PALM2AKAP2: variants seen among roughly 807,000 people sequenced by gnomAD.
PALM2AKAP2 encodes the protein PALM2 and AKAP2 fusion, also known as PALM2-AKAP2 fusion protein.
In PALM2AKAP2, 37 loss-of-function variants were observed where a neutral mutation model predicts 71.5. That is an observed-to-expected ratio of 0.52 (90% CI 0.40 to 0.68). The LOEUF is 0.68. Ranked by LOEUF, PALM2AKAP2 falls within the 30% of genes least tolerant of loss-of-function variation. The pLI is 0.00. For synonymous variants in PALM2AKAP2, 468 were observed against 478.8 expected, an observed-to-expected ratio of 0.98 and a Z score of 0.29; for missense variants, 1,224 against 1,191.8, an observed-to-expected ratio of 1.03 and a Z score of -0.40.
chr9:109,924,443 C>CA (rs1216145232), intron 4 of PALM2AKAP2, among the ~76,000 whole-genome samples: 1 of 151,804 alleles, frequency 6.6e-6, no homozygotes, highest in South Asian at 2.1e-4. Flanking sequence ...CTAAAAAATA[C>CA]AAAAAAATTA....
At chr9:110,157,726 G>A (rs1408487632) in intron 3 of PALM2AKAP2, among the ~76,000 whole-genome samples, 2 of 152,152 alleles carry the variant, frequency 1.3e-5, no homozygotes, top group African/African-American at 4.8e-5. Flanking sequence ...AAGTGTCCCA[G>A]TTTGGGTGAT....
rs2131990423 is a variant in PALM2AKAP2, at chr9:109,930,530, A to G, written c.395-1397A>G. Among the ~76,000 whole-genome samples, 3 of 152,232 alleles carry G rather than the reference A, an allele frequency of 2.0e-5. No individual in the cohort carries two copies. In the East Asian group the frequency reaches 5.8e-4, roughly 29 times the overall value. On this transcript the variant is annotated intron_variant, in intron 5 of 9. Coordinates refer to the PALM2AKAP2 transcript ENST00000302798. ...CATGAGCCACCGCGCCCGGCGAAAA[A>G]TCTGTTTTCTTAGCGATACTCTACC...
At chr9:110,125,363 T>C (rs1260823453) in intron 1 of PALM2AKAP2, 1 of 340,526 alleles carries the variant, frequency 2.9e-6, no homozygotes, top group Non-Finnish European at 4.2e-6. Flanking sequence ...GGAATGCCGC[T>C]GCCCTCCAGC....
intron 1 of PALM2AKAP2, among the ~76,000 whole-genome samples, chr9:109,697,808 C>G (rs1827994473): frequency 1.3e-5 from 2 of 152,180 alleles, no homozygotes; most frequent in African/African-American, 4.8e-5. Flanking sequence ...CAACTTCCAG[C>G]TGGCCCTTTT....
intron 1 of PALM2AKAP2, among the ~76,000 whole-genome samples, chr9:109,684,049 G>GTC (rs1237248904): frequency 1.3e-5 from 2 of 152,116 alleles, no homozygotes; most frequent in Non-Finnish European, 2.9e-5. Flanking sequence ...TTATTATAAT[G>GTC]TCGCCAGCCT....
chr9:109,817,012 C>CA (rs1282712082), intron 1 of PALM2AKAP2, among the ~76,000 whole-genome samples: 18 of 152,262 alleles, frequency 1.2e-4, no homozygotes, highest in African/African-American at 4.3e-4. Flanking sequence ...CAACTTTATT[C>CA]AACCAGATTT....
intron 6 of PALM2AKAP2, among the ~76,000 whole-genome samples, chr9:110,000,001 T>C (rs1832651883): frequency 6.6e-6 from 1 of 152,050 alleles, no homozygotes; most frequent in South Asian, 2.1e-4. Flanking sequence ...ATTCCATTTT[T>C]CTCTATTTTT....
At chr9:109,879,118 G>C (rs1018177701) in intron 2 of PALM2AKAP2, among the ~76,000 whole-genome samples, 2 of 152,186 alleles carry the variant, frequency 1.3e-5, no homozygotes, top group Non-Finnish European at 2.9e-5. Flanking sequence ...CTATGGAATT[G>C]TGCATCCTTC....
chr9:109,978,134 T>G (rs1452793868), intron 6 of PALM2AKAP2, among the ~76,000 whole-genome samples: 1 of 151,920 alleles, frequency 6.6e-6, no homozygotes, highest in East Asian at 1.9e-4. Flanking sequence ...GAAGGAGGGA[T>G]GCATGCCTCC....
intron 1 of PALM2AKAP2, among the ~76,000 whole-genome samples, chr9:109,735,785 T>C (rs79584911): frequency 0.043 from 6,490 of 152,258 alleles, 190 homozygotes; most frequent in Non-Finnish European, 0.053. Flanking sequence ...TCTGCCTTCA[T>C]GCACCTTTTC....
At chr9:110,035,848 TATG>T (rs1217688858) in intron 7 of PALM2AKAP2, among the ~76,000 whole-genome samples, 6 of 140,118 alleles carry the variant, frequency 4.3e-5, no homozygotes, top group African/African-American at 7.5e-5. Flanking sequence ...ATATAATATA[TATG>T]ATATGTTGTG....
intron 1 of PALM2AKAP2, among the ~76,000 whole-genome samples, chr9:109,784,341 A>G (rs978542514): frequency 2.6e-5 from 4 of 152,244 alleles, no homozygotes; most frequent in Admixed American, 6.5e-5. Flanking sequence ...ATGTAAACCA[A>G]TCTCAGAGTT....
At chr9:109,769,769 A>G (rs1363815813) in intron 1 of PALM2AKAP2, among the ~76,000 whole-genome samples, 1 of 152,152 alleles carries the variant, frequency 6.6e-6, no homozygotes, top group Non-Finnish European at 1.5e-5. Flanking sequence ...ATTTAAATGA[A>G]TTTGCAACTT....
At chr9:109,932,065 A>G in intron 6 of PALM2AKAP2, 37 bp downstream of exon 6, 1 of 1,573,558 alleles carries the variant, frequency 6.4e-7, no homozygotes, top group Non-Finnish European at 8.7e-7. Flanking sequence ...AGGATGGTCC[A>G]AGGGGCTTGC....
intron 6 of PALM2AKAP2, among the ~76,000 whole-genome samples, chr9:109,995,739 G>T (rs542168952): frequency 4.3e-4 from 65 of 152,324 alleles, no homozygotes; most frequent in Middle Eastern, 3.4e-3. Context: ...GGCATTATGG[G>T]AGCTACAATT....
At chr9:109,942,751 A>T (rs780810751) in intron 6 of PALM2AKAP2, 3 of 1,613,632 alleles carry the variant, frequency 1.9e-6, no homozygotes, top group Non-Finnish European at 1.7e-6. Flanking sequence ...GATTCTCTCT[A>T]CATCTACCAT....
At chr9:109,951,427 T>C (rs1831639017) in intron 6 of PALM2AKAP2, among the ~76,000 whole-genome samples, 1 of 152,230 alleles carries the variant, frequency 6.6e-6, no homozygotes, top group African/African-American at 2.4e-5. Flanking sequence ...CTTCTCTCTG[T>C]TCCTCTGTAC....
chr9:109,867,668 G>A (rs1829492547), intron 2 of PALM2AKAP2, 97 bp downstream of exon 2: 26 of 1,384,090 alleles, frequency 1.9e-5, no homozygotes, highest in Non-Finnish European at 2.2e-5. Flanking sequence ...AGGCGCTGCC[G>A]CCAACCAAAC....
chr9:109,709,971 G>C (rs1380832800), intron 1 of PALM2AKAP2, among the ~76,000 whole-genome samples: 1 of 152,176 alleles, frequency 6.6e-6, no homozygotes, highest in Non-Finnish European at 1.5e-5. Context: ...GGATTACCCA[G>C]ATGGGCCCTA....
Sources: gnomAD v4.1 joint callset for allele counts (sites outside exome capture counted in the v4.1 genomes callset) on GRCh38, gnomAD v4.1.1 for gene constraint, MANE v1.5 for transcripts, NCBI Gene and HGNC (gene_info 2026-07-23, HGNC 2026-07-21) for gene names.